CSTPP1: variants seen among roughly 807,000 people sequenced by gnomAD.
CSTPP1 encodes centriolar satellite-associated tubulin polyglutamylase complex regulator 1.
At chr11:46,953,223 G>A in the CSTPP1 span, among the ~76,000 whole-genome samples, 1 of 152,146 alleles carries the variant, frequency 6.6e-6, no homozygotes, top group African/African-American at 2.4e-5. Flanking sequence ...GAGTAAATCG[G>A]AGGGTGAAGG....
At chr11:47,067,683 GCTGGCA>G in the CSTPP1 span, among the ~76,000 whole-genome samples, 11 of 152,308 alleles carry the variant, frequency 7.2e-5, no homozygotes, top group East Asian at 1.9e-3. Flanking sequence ...CACCAACTCT[GCTGGCA>G]CCTTGATCTC....
the CSTPP1 span, among the ~76,000 whole-genome samples, chr11:47,085,853 TG>T: frequency 6.7e-6 from 1 of 149,086 alleles, no homozygotes; most frequent in Admixed American, 6.9e-5. Context: ...CACTCTAGTC[TG>T]GGTGACGAGT....
the CSTPP1 span, chr11:47,161,223 G>A: frequency 6.2e-7 from 1 of 1,614,140 alleles, no homozygotes; most frequent in South Asian, 1.1e-5. Context: ...CTGCCCCCTT[G>A]TGGGGGCCAG....
At chr11:47,069,759 A>C in the CSTPP1 span, among the ~76,000 whole-genome samples, 1 of 151,952 alleles carries the variant, frequency 6.6e-6, no homozygotes, top group Non-Finnish European at 1.5e-5. Flanking sequence ...CCCAGGTTGG[A>C]GTGCAGTGGC....
At chr11:47,126,592 C>T in the CSTPP1 span, among the ~76,000 whole-genome samples, 1 of 152,138 alleles carries the variant, frequency 6.6e-6, no homozygotes, top group African/African-American at 2.4e-5. Context: ...ATGATCATAC[C>T]ACTGCACTCC....
At chr11:47,138,311 A>T in the CSTPP1 span, among the ~76,000 whole-genome samples, 1 of 152,138 alleles carries the variant, frequency 6.6e-6, no homozygotes, top group Non-Finnish European at 1.5e-5. Context: ...AGCATGGGGG[A>T]AACTGCCCAT....
chr11:46,941,482 G>A, the CSTPP1 span, among the ~76,000 whole-genome samples: 1 of 152,140 alleles, frequency 6.6e-6, no homozygotes, highest in Non-Finnish European at 1.5e-5. Context: ...TGGGATTACA[G>A]GCACCTGCCA....
At chr11:47,155,307 C>T in the CSTPP1 span, 1 of 1,479,954 alleles carries the variant, frequency 6.8e-7, no homozygotes, top group East Asian at 2.3e-5. Context: ...GACCCTGTCT[C>T]CCTGTCCTGC....
chr11:46,973,778 GTA>G, the CSTPP1 span, among the ~76,000 whole-genome samples: 1 of 91,240 alleles, frequency 1.1e-5, no homozygotes, highest in East Asian at 2.1e-4. Context: ...ACTGGAGGGT[GTA>G]TGTGTGTGTG....
the CSTPP1 span, among the ~76,000 whole-genome samples, chr11:47,076,510 G>A: frequency 6.6e-6 from 1 of 152,068 alleles, no homozygotes; most frequent in Admixed American, 6.5e-5. Flanking sequence ...CAGAAATTTG[G>A]GGGAAGTCTC....
the CSTPP1 span, among the ~76,000 whole-genome samples, chr11:47,159,207 C>T: frequency 1.4e-4 from 21 of 152,248 alleles, no homozygotes; most frequent in Admixed American, 7.2e-4. Flanking sequence ...TGGACTAAGA[C>T]TAGAAAGGAG....
the CSTPP1 span, among the ~76,000 whole-genome samples, chr11:47,106,642 CAAAA>C: frequency 7.5e-6 from 1 of 133,712 alleles, no homozygotes; most frequent in African/African-American, 2.7e-5. Flanking sequence ...GACCCTATCT[CAAAA>C]AAAAAAAAGA....
chr11:47,164,300 CT>C, the CSTPP1 span: 1 of 1,554,086 alleles, frequency 6.4e-7, no homozygotes, highest in Admixed American at 2.0e-5. Flanking sequence ...GAGGACACTG[CT>C]TCACTCAGAC....
chr11:46,973,562 C>T, the CSTPP1 span, among the ~76,000 whole-genome samples: 5 of 152,132 alleles, frequency 3.3e-5, no homozygotes, highest in Non-Finnish European at 7.4e-5. Context: ...TACCTCATGA[C>T]CCATGAGGAC....
the CSTPP1 span, among the ~76,000 whole-genome samples, chr11:46,997,780 G>T: frequency 3.3e-5 from 5 of 152,332 alleles, no homozygotes; most frequent in East Asian, 9.6e-4. Flanking sequence ...CCTTCTAACA[G>T]ACAGGACCCT....
chr11:46,994,200 A>C, the CSTPP1 span, among the ~76,000 whole-genome samples: 1 of 152,160 alleles, frequency 6.6e-6, no homozygotes, highest in Non-Finnish European at 1.5e-5. Flanking sequence ...GGTTTTCTAA[A>C]TATATAATCA....
the CSTPP1 span, among the ~76,000 whole-genome samples, chr11:47,059,151 G>A: frequency 4.6e-5 from 7 of 152,192 alleles, no homozygotes; most frequent in Non-Finnish European, 8.8e-5. Context: ...ATGAGAACAC[G>A]ATGGACACAG....
At chr11:47,043,379 A>G in the CSTPP1 span, among the ~76,000 whole-genome samples, 1 of 150,538 alleles carries the variant, frequency 6.6e-6, no homozygotes, top group South Asian at 2.1e-4. Flanking sequence ...CCCGTCTATT[A>G]AAAAAACAAA....
At chr11:47,017,277 C>A in the CSTPP1 span, among the ~76,000 whole-genome samples, 1 of 150,552 alleles carries the variant, frequency 6.6e-6, no homozygotes, top group South Asian at 2.1e-4. Context: ...CAGGTTCAAG[C>A]GGTTCTCCCA....
Sources: gnomAD v4.1 joint callset for allele counts (sites outside exome capture counted in the v4.1 genomes callset) on GRCh38, gnomAD v4.1.1 for gene constraint, MANE v1.5 for transcripts, NCBI Gene and HGNC (gene_info 2026-07-23, HGNC 2026-07-21) for gene names.